The following PDE10A variants were observed in gnomAD, a reference collection of about 807,000 sequenced individuals.
PDE10A encodes the protein cAMP and cAMP-inhibited cGMP 3',5'-cyclic phosphodiesterase 10A.
A neutral mutation model predicts 97.7 loss-of-function variants in PDE10A; 39 were observed. The ratio of observed to expected loss-of-function variants is 0.40; its 90% CI spans 0.31 to 0.52. PDE10A has a LOEUF of 0.52. Ranked by LOEUF, PDE10A falls within the 20% of genes least tolerant of loss-of-function variation. The probability of loss-of-function intolerance (pLI) is 0.56; values close to 1 mark genes in which losing one functional copy is unlikely to be tolerated. For missense variants in PDE10A, 731 were observed against 1,047.8 expected, an observed-to-expected ratio of 0.70 and a Z score of 4.17; for synonymous variants, 371 against 376.8, an observed-to-expected ratio of 0.98 and a Z score of 0.18.
intron 1 of PDE10A, among the ~76,000 whole-genome samples, chr6:165,633,220 A>T (rs1027752666): frequency 1.3e-5 from 2 of 152,202 alleles, no homozygotes; most frequent in Non-Finnish European, 2.9e-5. Flanking sequence ...CAAAACCAAG[A>T]CACTATGCAG....
At chr6:165,525,505 T>A (rs1304929993) in intron 2 of PDE10A, among the ~76,000 whole-genome samples, 9 of 151,650 alleles carry the variant, frequency 5.9e-5, no homozygotes, top group Admixed American at 5.9e-4. Context: ...GATGGTGGAG[T>A]GGATTAGACA....
At chr6:165,942,857 T>C (rs951916539) in intron 1 of PDE10A, among the ~76,000 whole-genome samples, 7 of 152,062 alleles carry the variant, frequency 4.6e-5, no homozygotes, top group Non-Finnish European at 8.8e-5. Context: ...GAACATTTCT[T>C]CTGAAAATGA....
intron 1 of PDE10A, among the ~76,000 whole-genome samples, chr6:165,734,994 T>A (rs1342563289): frequency 2.8e-5 from 4 of 141,938 alleles, no homozygotes; most frequent in African/African-American, 1.2e-4. Context: ...AGATAGATAG[T>A]AGGTAGGTAG....
At chr6:165,433,543 T>C (rs1789753949) in intron 6 of PDE10A, among the ~76,000 whole-genome samples, 1 of 152,214 alleles carries the variant, frequency 6.6e-6, no homozygotes, top group African/African-American at 2.4e-5. Context: ...TTATAAACTT[T>C]TTTTCTATTT....
chr6:165,872,380 T>C (rs1407552779), intron 1 of PDE10A, among the ~76,000 whole-genome samples: 2 of 151,926 alleles, frequency 1.3e-5, no homozygotes, highest in Non-Finnish European at 2.9e-5. Context: ...TCACATGTGG[T>C]GGGTGTGGAG....
rs1790658280 is a variant in PDE10A, at chr6:165,671,935, T to C, written c.-614-128367A>G. On this transcript the variant is annotated intron_variant, in intron 1 of 19. Transcript: ENST00000366882. The surrounding 1 kb of genome is among the most constrained non-coding windows in gnomAD (Gnocchi z 4.6). ...ATTTTATAGCGAAGTTATTAATATA[T>C]GCCATGAAACTCTATCCCATCTGTT... is the stretch of plus-strand genomic sequence containing the variant. Among the ~76,000 whole-genome samples, 1 of 152,242 alleles carries C rather than the reference T, an allele frequency of 6.6e-6. No homozygotes were observed. Among genetic ancestry groups the C allele is most frequent in the Non-Finnish European group, 1.5e-5 (1 of 68,038 alleles).
chr6:165,714,987 C>A (rs185331543), intron 1 of PDE10A, among the ~76,000 whole-genome samples: 1 of 152,372 alleles, frequency 6.6e-6, no homozygotes, highest in African/African-American at 2.4e-5. Context: ...CACAAAGACC[C>A]GGTGTGAACT....
intron 1 of PDE10A, among the ~76,000 whole-genome samples, chr6:165,589,015 C>A (rs1168616296): frequency 1.3e-5 from 2 of 152,182 alleles, no homozygotes; most frequent in African/African-American, 4.8e-5. Flanking sequence ...GAAACCAGTT[C>A]TTTTCAAATC....
intron 18 of PDE10A, among the ~76,000 whole-genome samples, chr6:165,377,107 T>A (rs922225827): frequency 6.6e-6 from 1 of 152,190 alleles, no homozygotes; most frequent in South Asian, 2.1e-4. Context: ...AGGTGTGTAT[T>A]TTTTAGGCAT....
At chr6:165,985,203 G>A (rs189896188) in intron 1 of PDE10A, among the ~76,000 whole-genome samples, 1 of 152,310 alleles carries the variant, frequency 6.6e-6, no homozygotes, top group East Asian at 1.9e-4. Context: ...CCACAGCTTA[G>A]CCAACAACAA....
intron 1 of PDE10A, among the ~76,000 whole-genome samples, chr6:165,709,781 C>G (rs1175879012): frequency 1.4e-5 from 2 of 146,908 alleles, no homozygotes; most frequent in African/African-American, 5.1e-5. Context: ...TCTTTCCTTC[C>G]CGGCATCTCT....
chr6:165,362,497 T>C (rs145281315), intron 18 of PDE10A, among the ~76,000 whole-genome samples: 35 of 152,282 alleles, frequency 2.3e-4, no homozygotes, highest in Non-Finnish European at 4.1e-4. Flanking sequence ...CACAAGTGAC[T>C]AAATATGACA....
Position 165,471,759 on chromosome 6 carries a change from C to T in PDE10A, c.1023+10556G>A, listed in dbSNP as rs184694845. Among the ~76,000 whole-genome samples the T allele has an allele frequency of 2.8e-4, 43 of 152,258 alleles. No homozygotes were observed. The East Asian group carries it at 8.3e-3, about 29-fold the overall frequency. On this transcript the variant is annotated intron_variant, in intron 3 of 21. Transcript: ENST00000539869. ...ATTCTATCAAACCCAAGCATTTTCC[C>T]CTACCTCCATTACCACCAGCCTGGT...
At chr6:165,963,369 G>T (rs997380599) in intron 1 of PDE10A, among the ~76,000 whole-genome samples, 3 of 152,160 alleles carry the variant, frequency 2.0e-5, no homozygotes, top group Non-Finnish European at 4.4e-5. Context: ...ACTTACACAG[G>T]CCTAGTAGGA....
intron 1 of PDE10A, among the ~76,000 whole-genome samples, chr6:165,614,717 C>T (rs1787646980): frequency 6.6e-6 from 1 of 151,932 alleles, no homozygotes; most frequent in African/African-American, 2.4e-5. Flanking sequence ...CACATAGACA[C>T]TCAGAAAAAA....
At chr6:165,702,199 C>A (rs1252102306) in intron 1 of PDE10A, among the ~76,000 whole-genome samples, 2 of 152,176 alleles carry the variant, frequency 1.3e-5, no homozygotes, top group African/African-American at 4.8e-5. Context: ...AAGGACCAGC[C>A]CCAGCTGCAA....
Position 165,543,456 on chromosome 6 carries a change from C to A in PDE10A, c.978G>T (p.Lys326Asn). The A allele has an allele frequency of 6.2e-7, 1 of 1,611,876 alleles. No individual in the cohort carries two copies. Among genetic ancestry groups the A allele is most frequent in the South Asian group, 1.1e-5 (1 of 90,688 alleles). The part of the protein sequence containing the change: ...AETVEKWLKR[K>N]NNKSEDESAP... ...AGACCTTACCTTCTGATTTGTTGTT[C>A]TTCCTCTTCAGCCATTTCTCTACTG... is the stretch of plus-strand genomic sequence containing the variant. The change falls in exon 2 of 22, where the codon AAG becomes AAT. Residue 326 changes from lysine (K) to asparagine (N), a missense_variant. Physicochemically the swap from Lys to Asn is moderately conservative, Grantham distance 94. Coordinates refer to ENST00000539869, the MANE Select transcript of PDE10A (RefSeq NM_001385079.1).
chr6:165,474,696 C>T lies in PDE10A; in HGVS notation c.1023+7619G>A, dbSNP rs1022016118. Among the ~76,000 whole-genome samples the T allele has an allele frequency of 4.0e-5, 6 of 151,886 alleles. No homozygotes were observed. In the East Asian group the frequency reaches 5.8e-4, roughly 15 times the overall value. On this transcript the variant is annotated intron_variant, in intron 3 of 21. Coordinates refer to ENST00000539869, the MANE Select transcript of PDE10A (RefSeq NM_001385079.1). ...AAACAAGAAAAAAAAATCCATTTTA[C>T]GCAACTTCTTGTTAGGCTAAATGAG...
At chr6:165,514,123 A>G (rs916583438) in intron 2 of PDE10A, among the ~76,000 whole-genome samples, 13 of 152,168 alleles carry the variant, frequency 8.5e-5, no homozygotes, top group African/African-American at 2.9e-4. Flanking sequence ...CCAACTTTGT[A>G]TTTCTGATAT....
Sources: gnomAD v4.1 joint callset for allele counts (sites outside exome capture counted in the v4.1 genomes callset) on GRCh38, gnomAD v4.1.1 for gene constraint, Gnocchi (gnomAD v3.1) non-coding constraint, MANE v1.5 for transcripts, NCBI Gene and HGNC (gene_info 2026-07-23, HGNC 2026-07-21) for gene names.